GPI: variants seen among roughly 807,000 people sequenced by gnomAD.
GPI encodes glucose-6-phosphate isomerase.
Under a neutral mutation model 75.8 loss-of-function variants are expected in GPI, and 56 were observed. The observed-to-expected ratio is 0.74, with a 90% CI of 0.60 to 0.92. The LOEUF (loss-of-function observed/expected upper bound fraction) is 0.92, where lower values mean the gene tolerates loss of function less well. Among genes scored for constraint, GPI ranks in the 40% least tolerant of loss-of-function variants. GPI has a pLI of 0.00. For missense variants in GPI, 638 were observed against 741.0 expected (o/e 0.86, Z 1.61); for synonymous variants, 288 against 285.4 (o/e 1.01, Z -0.09).
At chr19:34,379,341 GCCT>G (rs1343217694) in intron 7 of GPI, among the ~76,000 whole-genome samples, 174 bp from the exon 8 acceptor site, 1 of 152,206 alleles carries the variant, frequency 6.6e-6, no homozygotes, top group East Asian at 1.9e-4. Context: ...TGAGCAGGCG[GCCT>G]GTGACCCGTC....
Position 34,377,775 on chromosome 19 carries a change from C to G in GPI, c.527C>G (p.Ser176Ter), listed in dbSNP as rs536687783. 2.5e-6 allele frequency: 4 copies of G among 1,613,874 alleles called. No homozygotes were observed. Residue 176 changes from serine to a stop codon, truncating the protein, a stop_gained, in exon 6 of 18, where the codon TCA becomes TGA. Coordinates refer to ENST00000356487, the MANE Select transcript of GPI (RefSeq NM_000175.5). LOFTEE classifies it high-confidence loss of function. Reference protein sequence around the residue: ...MVTEALKPYSSGGPRVWYVSN... With the variant: ...MVTEALKPYS Reference sequence around the variant, plus strand: ...ACTGAAGCCCTTAAGCCATACTCTTCAGGAGGTCCCCGCGTCTGGTATGTC... The same window carrying G: ...ACTGAAGCCCTTAAGCCATACTCTTGAGGAGGTCCCCGCGTCTGGTATGTC...
intron 4 of GPI, among the ~76,000 whole-genome samples, chr19:34,371,620 G>A (rs1467635959): frequency 1.3e-5 from 2 of 152,032 alleles, no homozygotes; most frequent in Admixed American, 6.6e-5. Flanking sequence ...GGAGGCCGAG[G>A]TGGGTGGATC....
At chr19:34,365,121 G>T, upstream of GPI, 1 of 1,298,930 alleles carries the variant, frequency 7.7e-7, no homozygotes, top group Non-Finnish European at 9.8e-7. Context: ...GGCGGGGCCG[G>T]GGCTCAGGGG....
At chr19:34,397,689 T>C (rs1050033038) in intron 14 of GPI, 1 of 151,822 alleles carries the variant, frequency 6.6e-6, no homozygotes, top group Non-Finnish European at 1.5e-5. Context: ...AAACTTTTTG[T>C]AGAGGCCAGA....
rs781329755 is a variant in GPI, at chr19:34,365,241, C to T, written c.-26C>T. The T allele has an allele frequency of 1.3e-6, 2 of 1,502,936 alleles. No individual in the cohort carries two copies. The highest frequency in any genetic ancestry group is 2.7e-5 in the East Asian group (1 of 37,022). 93.1% of individuals were successfully genotyped at this position (1,502,936 alleles called of 1,614,324 possible). On this transcript the variant is annotated 5_prime_UTR_variant, in exon 1 of 18. Coordinates refer to ENST00000356487, the MANE Select transcript of GPI (RefSeq NM_000175.5). ...GCTCCTTCCTCCTCGGCTCGCGTCT[C>T]ACTCAGTGTACCTTCTAGTCCCGCC...
At chr19:34,377,466 G>A (rs1326974616) in intron 4 of GPI, 37 bp from the exon 5 acceptor site, 1 of 1,470,774 alleles carries the variant, frequency 6.8e-7, no homozygotes, top group East Asian at 2.3e-5. Flanking sequence ...ATTATGCCTG[G>A]GGGTTTGGGC....
intron 4 of GPI, among the ~76,000 whole-genome samples, chr19:34,375,144 C>CT (rs572414870): frequency 0.58 from 81,559 of 141,436 alleles, 24,989 homozygotes; most frequent in East Asian, 0.95. Context: ...CAGCAATACA[C>CT]TTTTTTTTTT....
In GPI at chr19:34,382,708, G is replaced by A. The variant is rs77202379; in HGVS notation, c.804+1189G>A. 2.6e-3 allele frequency among the ~76,000 whole-genome samples: 396 copies of A among 152,220 alleles called. 3 individuals carry two copies. The highest frequency in any genetic ancestry group is 4.4e-3 in the Non-Finnish European group (299 of 68,012). Reference sequence around the variant, plus strand: ...GCCAAGGAGCCAAGCAGATCGGGGTGTCCTTGCTTGTCACCACCCAGCATG... The same window carrying A: ...GCCAAGGAGCCAAGCAGATCGGGGTATCCTTGCTTGTCACCACCCAGCATG... On this transcript the variant is annotated intron_variant, in intron 9 of 17. Transcript: ENST00000356487.
At chr19:34,369,248 C>T (rs2145328772) in intron 4 of GPI, among the ~76,000 whole-genome samples, 1 of 151,978 alleles carries the variant, frequency 6.6e-6, no homozygotes, top group East Asian at 2.0e-4. Flanking sequence ...GGGATTTCAC[C>T]ATGTTGGCCA....
chr19:34,365,096 G>C, upstream of GPI: 1 of 1,435,626 alleles, frequency 7.0e-7, no homozygotes, highest in Non-Finnish European at 9.2e-7. Flanking sequence ...CCTGGGTATC[G>C]GGGCGCGGGT....
chr19:34,377,829 A>G lies in GPI; in HGVS notation c.581A>G (p.Lys194Arg). Residue 194 changes from lysine to arginine, a missense_variant, in exon 6 of 18, where the codon AAA becomes AGA. Lys to Arg is a conservative substitution (Grantham distance 26, BLOSUM62 2). Coordinates refer to ENST00000356487, the MANE Select transcript of GPI (RefSeq NM_000175.5). ...AACATTGATGGAACTCACATTGCCA[A>G]AACCCTGGCCCAGCTGAACCCCGAG... ...VSNIDGTHIA[K>R]TLAQLNPESS... is the part of the protein sequence containing the mutation. The G allele has an allele frequency of 6.2e-7, 1 of 1,614,120 alleles. No individual in the cohort carries two copies. Among genetic ancestry groups the G allele is most frequent in the Non-Finnish European group, 8.5e-7 (1 of 1,180,004 alleles).
intron 6 of GPI, 78 bp downstream of exon 6, chr19:34,377,959 C>T: frequency 6.8e-7 from 1 of 1,474,048 alleles, no homozygotes. Flanking sequence ...TGCCATCCCC[C>T]TGGCCATTGG....
chr19:34,366,198 C>A, intron 1 of GPI, 147 bp from the exon 2 acceptor site: 1 of 717,940 alleles, frequency 1.4e-6, no homozygotes, highest in Non-Finnish European at 2.6e-6. Context: ...CAGCAGGTGA[C>A]AGACACCACC....
At chr19:34,376,542 C>T (rs1042825949) in intron 4 of GPI, among the ~76,000 whole-genome samples, 4 of 143,882 alleles carry the variant, frequency 2.8e-5, no homozygotes, top group Admixed American at 7.2e-5. Flanking sequence ...CCAGCCTGGG[C>T]GACGGAGTGA....
At chr19:34,389,926 TC>T (rs1240891622) in intron 9 of GPI, among the ~76,000 whole-genome samples, 6 of 152,172 alleles carry the variant, frequency 3.9e-5, no homozygotes, top group African/African-American at 1.4e-4. Flanking sequence ...TAGGAAGACA[TC>T]CGTGAAGTTC....
chr19:34,400,046 C>T lies in GPI; in HGVS notation c.*10C>T. 1.2e-6 allele frequency: 2 copies of T among 1,609,062 alleles called. No individual in the cohort carries two copies. The highest frequency in any genetic ancestry group is 8.5e-7 in the Non-Finnish European group (1 of 1,179,714). On this transcript the variant is annotated 3_prime_UTR_variant, in exon 18 of 18. Coordinates refer to ENST00000356487, the MANE Select transcript of GPI (RefSeq NM_000175.5). ...GGCCAGAGTCCAATAAACTCGTGCT[C>T]ATCTGCAGCCTCCTCTGTGACTCCC...
At chr19:34,365,828 G>A (rs981509376) in intron 1 of GPI, 8 of 471,792 alleles carry the variant, frequency 1.7e-5, no homozygotes, top group African/African-American at 1.2e-4. Flanking sequence ...GTGTTTGAGG[G>A]AGCTGGGTGG....
chr19:34,363,541 G>A (rs780876232), upstream of GPI, among the ~76,000 whole-genome samples: 5 of 151,734 alleles, frequency 3.3e-5, no homozygotes, highest in Non-Finnish European at 7.4e-5. Flanking sequence ...CCCCGTAGAG[G>A]CCAGGCGCAG....
At chr19:34,386,827 C>A (rs1444062436) in intron 9 of GPI, among the ~76,000 whole-genome samples, 4 of 152,026 alleles carry the variant, frequency 2.6e-5, no homozygotes, top group African/African-American at 9.7e-5. Flanking sequence ...CTGACTCAGT[C>A]TTAGGCCTGG....
Sources: allele counts gnomAD v4.1 joint callset (sites outside exome capture counted in the v4.1 genomes callset), GRCh38; gene constraint gnomAD v4.1.1; transcripts MANE v1.5; gene names NCBI Gene and HGNC (gene_info 2026-07-23, HGNC 2026-07-21).